Variants in TMEM65 observed in about 807,000 individuals in gnomAD.
The protein encoded by TMEM65 is transmembrane protein 65.
In TMEM65, 22 loss-of-function variants were observed where a neutral mutation model predicts 25.4. The observed-to-expected ratio is 0.86, with a 90% CI of 0.62 to 1.23. The LOEUF is 1.23. Ranked by LOEUF, TMEM65 falls within the 50% of genes most tolerant of loss-of-function variation. TMEM65 has a pLI of 0.00. For missense variants in TMEM65, 262 were observed against 308.2 expected, an observed-to-expected ratio of 0.85 and a Z score of 1.12; for synonymous variants, 132 against 126.2, an observed-to-expected ratio of 1.05 and a Z score of -0.31.
chr8:124,363,989 C>T (rs1014893740), intron 1 of TMEM65, among the ~76,000 whole-genome samples: 9 of 151,714 alleles, frequency 5.9e-5, no homozygotes, highest in Non-Finnish European at 2.9e-5. Context: ...GCAACCATAG[C>T]CTTTGCAGTA....
chr8:124,335,712 C>T (rs1814498064), intron 1 of TMEM65, among the ~76,000 whole-genome samples: 2 of 151,882 alleles, frequency 1.3e-5, no homozygotes, highest in Admixed American at 1.3e-4. Flanking sequence ...AGTAACTACA[C>T]ATACAGATGA....
At chr8:124,360,962 A>G (rs1338570152) in intron 1 of TMEM65, among the ~76,000 whole-genome samples, 3 of 152,246 alleles carry the variant, frequency 2.0e-5, no homozygotes. Flanking sequence ...ATTGTCAGTT[A>G]TATATAATTC....
chr8:124,363,836 C>CAAAAAAAA (rs869161640), intron 1 of TMEM65, among the ~76,000 whole-genome samples: 16 of 55,714 alleles, frequency 2.9e-4, no homozygotes, highest in African/African-American at 7.9e-4. Flanking sequence ...GACTCCGTCT[C>CAAAAAAAA]AAAAAAAAAA....
chr8:124,350,172 T>C (rs1814689826), intron 1 of TMEM65, among the ~76,000 whole-genome samples: 1 of 151,632 alleles, frequency 6.6e-6, no homozygotes, highest in South Asian at 2.1e-4. Flanking sequence ...AAAAACACTA[T>C]GCCCCTATAT....
At chr8:124,349,224 G>A (rs1393799521) in intron 1 of TMEM65, among the ~76,000 whole-genome samples, 1 of 151,994 alleles carries the variant, frequency 6.6e-6, no homozygotes, top group Non-Finnish European at 1.5e-5. Flanking sequence ...TCAAAACACT[G>A]GTTATTCATT....
At chr8:124,349,345 A>T (rs570788339) in intron 1 of TMEM65, among the ~76,000 whole-genome samples, 4 of 152,076 alleles carry the variant, frequency 2.6e-5, no homozygotes, top group African/African-American at 9.6e-5. Context: ...ATTTTTTTTA[A>T]AAAAAAATTG....
At chr8:124,320,051 C>T (rs1563589337) in intron 6 of TMEM65, 35 bp downstream of exon 6, 2 of 1,540,368 alleles carry the variant, frequency 1.3e-6, no homozygotes, top group Non-Finnish European at 1.8e-6. Context: ...CTCTGGCTAC[C>T]CAACTCATTA....
chr8:124,310,167 T>C lies in TMEM65; in HGVS notation c.*3793A>G, dbSNP rs1356143365. 6.6e-6 allele frequency: 1 copy of C among 152,290 alleles called. No homozygotes were observed. The highest frequency in any genetic ancestry group is 2.4e-5 in the African/African-American group (1 of 41,408). 9.4% of individuals were successfully genotyped at this position (152,290 alleles called of 1,614,324 possible). A position where few individuals can be genotyped will look rare whatever the true frequency, so the allele number is the denominator to read the frequency against. ...CAAGACTCCATCTCAAAAAAAAGTA[T>C]ATTTGCTTTTCTGTGTTCTCTTCCC... On this transcript the variant is annotated 3_prime_UTR_variant, in exon 7 of 7. Transcript: ENST00000297632.
chr8:124,369,192 T>A (rs1270078044), intron 1 of TMEM65, among the ~76,000 whole-genome samples: 2 of 152,230 alleles, frequency 1.3e-5, no homozygotes, highest in African/African-American at 4.8e-5. Context: ...CTCAACTTTT[T>A]TTTAAATTGG....
chr8:124,363,662 C>T (rs1386202362), intron 1 of TMEM65, among the ~76,000 whole-genome samples: 2 of 151,600 alleles, frequency 1.3e-5, no homozygotes, highest in East Asian at 3.9e-4. Flanking sequence ...ACGGTGAAAC[C>T]CCGTCTCTAC....
intron 6 of TMEM65, among the ~76,000 whole-genome samples, chr8:124,319,087 T>C (rs904878260): frequency 6.6e-6 from 1 of 152,194 alleles, no homozygotes; most frequent in Non-Finnish European, 1.5e-5. Context: ...CCTGTATCTC[T>C]ACTTGGCATA....
At chr8:124,357,903 C>T (rs1381979558) in intron 1 of TMEM65, among the ~76,000 whole-genome samples, 2 of 140,156 alleles carry the variant, frequency 1.4e-5, no homozygotes, top group Non-Finnish European at 3.0e-5. Context: ...GATCTCAGCT[C>T]ACTGCAACCT....
At chr8:124,371,407 C>A (rs1213865176) in intron 1 of TMEM65, among the ~76,000 whole-genome samples, 5 of 152,240 alleles carry the variant, frequency 3.3e-5, no homozygotes, top group African/African-American at 7.2e-5. Flanking sequence ...CAAAAAGTTT[C>A]TTCCTGCCAG....
At chr8:124,325,536 T>C (rs1340616723) in intron 3 of TMEM65, among the ~76,000 whole-genome samples, 2 of 152,018 alleles carry the variant, frequency 1.3e-5, no homozygotes, top group Non-Finnish European at 2.9e-5. Context: ...TAAAAACTGA[T>C]TTTCTGTGTT....
At position 124,372,200 on chromosome 8, in the gene TMEM65, CG is replaced by C. The variant is rs1340366993; in HGVS notation, c.-44del. On this transcript the variant is annotated 5_prime_UTR_variant, in exon 1 of 7. Coordinates refer to ENST00000297632, the MANE Select transcript of TMEM65 (RefSeq NM_194291.3). The stretch of plus-strand genomic sequence containing the variant: ...GGACCCCCGCGGCCGTCCGGCAAGG[CG>C]GTTTCTGGCGCGGCTGAGGCGAGAA... 2 of 1,253,104 alleles carry C rather than the reference CG, an allele frequency of 1.6e-6. No homozygotes were observed. Among genetic ancestry groups the C allele is most frequent in the African/African-American group, 3.3e-5 (2 of 61,026 alleles). The allele number at this position is 1,253,104 out of a possible 1,614,324, so 77.6% of individuals were successfully genotyped here. A position where few individuals can be genotyped will look rare whatever the true frequency, so the allele number is the denominator to read the frequency against.
chr8:124,325,235 C>T (rs1050764940), intron 3 of TMEM65, among the ~76,000 whole-genome samples: 1 of 151,924 alleles, frequency 6.6e-6, no homozygotes, highest in African/African-American at 2.4e-5. Context: ...CCTCAACTTA[C>T]TATCTTAAAA....
intron 3 of TMEM65, among the ~76,000 whole-genome samples, chr8:124,325,658 C>A (rs1229144935): frequency 1.3e-5 from 2 of 151,958 alleles, no homozygotes; most frequent in African/African-American, 4.8e-5. Flanking sequence ...TGGAGTCAGC[C>A]ATCTCAGGCC....
intron 1 of TMEM65, among the ~76,000 whole-genome samples, chr8:124,340,618 A>G (rs1299018934): frequency 1.3e-5 from 2 of 152,188 alleles, no homozygotes; most frequent in African/African-American, 4.8e-5. Flanking sequence ...AAAATTCATC[A>G]GCAAGAAAAG....
chr8:124,329,774 A>G (rs1814409617), intron 2 of TMEM65, among the ~76,000 whole-genome samples: 1 of 152,002 alleles, frequency 6.6e-6, no homozygotes, highest in African/African-American at 2.4e-5. Context: ...TTTAGGTATG[A>G]TAACACAGCC....
Sources: allele counts gnomAD v4.1 joint callset (sites outside exome capture counted in the v4.1 genomes callset), GRCh38; gene constraint gnomAD v4.1.1; transcripts MANE v1.5; gene names NCBI Gene and HGNC (gene_info 2026-07-23, HGNC 2026-07-21).